The following SLC22A23 variants were observed in gnomAD, a reference collection of about 807,000 sequenced individuals.
SLC22A23 encodes the protein solute carrier family 22 member 23, also known as ion transporter protein.
A neutral mutation model predicts 61.0 loss-of-function variants in SLC22A23; 26 were observed. That is an observed-to-expected ratio of 0.43 (90% CI 0.31 to 0.59). The LOEUF is 0.59. Among genes scored for constraint, SLC22A23 ranks in the 20% least tolerant of loss-of-function variants. The probability of loss-of-function intolerance (pLI) is 0.11; values close to 1 mark genes in which losing one functional copy is unlikely to be tolerated. For missense variants in SLC22A23, 796 were observed against 934.7 expected, an observed-to-expected ratio of 0.85 and a Z score of 1.94; for synonymous variants, 430 against 413.9, an observed-to-expected ratio of 1.04 and a Z score of -0.47.
chr6:3,417,455 A>C (rs9378791), intron 1 of SLC22A23, among the ~76,000 whole-genome samples: 55,207 of 152,006 alleles, frequency 0.36, 10,230 homozygotes, highest in East Asian at 0.47. Context: ...ATTTGGGGAG[A>C]AGGGCACTGC....
chr6:3,419,773 T>C (rs1769995174), intron 1 of SLC22A23, among the ~76,000 whole-genome samples: 1 of 152,228 alleles, frequency 6.6e-6, no homozygotes, highest in Non-Finnish European at 1.5e-5. Context: ...CTATTCCCTG[T>C]ATTCAGTCCC....
intron 3 of SLC22A23, among the ~76,000 whole-genome samples, chr6:3,406,029 T>C (rs550527148): frequency 6.6e-6 from 1 of 152,108 alleles, no homozygotes; most frequent in South Asian, 2.1e-4. Context: ...TTCAAGAAAA[T>C]TGTTCATTGT....
At chr6:3,291,629 G>A (rs1760603570) in intron 5 of SLC22A23, 1 of 152,130 alleles carries the variant, frequency 6.6e-6, no homozygotes, top group African/African-American at 2.4e-5. Flanking sequence ...CAGCAAAAAT[G>A]GGCTACTTTG....
rs1758609362 is a variant in SLC22A23 at position 3,273,420 on chromosome 6, G to C, written c.1704-8C>G. 6.2e-7 allele frequency: 1 copy of C among 1,611,530 alleles called. No homozygotes were observed. The highest frequency in any genetic ancestry group is 1.3e-5 in the African/African-American group (1 of 74,934). ...AGCCCCAGCCCGCCACACCTGCAGGGGGAGGGAAGCACAGGGATTGCTGCT... is the reference window on the plus strand; with the variant it reads ...AGCCCCAGCCCGCCACACCTGCAGGCGGAGGGAAGCACAGGGATTGCTGCT... On this transcript the variant is annotated splice_region_variant and splice_polypyrimidine_tract_variant and intron_variant, in intron 9 of 9. Coordinates refer to ENST00000406686, the MANE Select transcript of SLC22A23 (RefSeq NM_015482.2).
At position 3,456,085 on chromosome 6, in the gene SLC22A23, G is replaced by A; in HGVS notation, c.475C>T (p.Pro159Ser). ...GCCTCCCAGGGGGCAGTGGCGAAGG[G>A]GGTGGTGGGGAGGCTGGTCCAGTTG... ...MGNWTSLPTT[P>S]FATAPWEAAG... The change falls in exon 1 of 10, where the codon CCC becomes TCC. Residue 159 changes from proline (P) to serine (S), a missense_variant. Physicochemically the swap from Pro to Ser is moderately conservative, Grantham distance 74. Transcript: ENST00000406686. The surrounding 1 kb of genome is among the most constrained non-coding windows in gnomAD (Gnocchi z 7.1). The A allele has an allele frequency of 6.5e-7, 1 of 1,550,348 alleles. No individual in the cohort carries two copies. Among genetic ancestry groups the A allele is most frequent in the Non-Finnish European group, 8.7e-7 (1 of 1,146,658 alleles).
intron 3 of SLC22A23, among the ~76,000 whole-genome samples, chr6:3,359,457 C>G (rs77213956): frequency 6.6e-6 from 1 of 152,152 alleles, no homozygotes; most frequent in Non-Finnish European, 1.5e-5. Flanking sequence ...TCACTGTCAT[C>G]GGGGAAATGT....
intron 1 of SLC22A23, among the ~76,000 whole-genome samples, chr6:3,451,313 C>T (rs1157268934): frequency 1.3e-5 from 2 of 152,252 alleles, no homozygotes; most frequent in Admixed American, 6.5e-5. Context: ...TCTCCTGCCT[C>T]AGCCTCCCTA....
chr6:3,312,404 A>G lies in SLC22A23; in HGVS notation c.1082+11430T>C, dbSNP rs1010439593. Reference sequence around the variant, plus strand: ...ATTAATTTGGCAAATGACTTTTAAAAAGTCTGATGTTGTAAAACAGTGTGA... The same window carrying G: ...ATTAATTTGGCAAATGACTTTTAAAGAGTCTGATGTTGTAAAACAGTGTGA... On this transcript the variant is annotated intron_variant, in intron 4 of 9. Coordinates refer to ENST00000406686, the MANE Select transcript of SLC22A23 (RefSeq NM_015482.2). 13 of 152,148 alleles carry G rather than the reference A, an allele frequency of 8.5e-5. 1 individual carries two copies. Among genetic ancestry groups the G allele is most frequent in the Admixed American group, 3.9e-4 (6 of 15,288 alleles). The allele number at this position is 152,148 out of a possible 1,614,324, so 9.4% of individuals were successfully genotyped here.
chr6:3,352,106 T>TG (rs60080368), intron 3 of SLC22A23, among the ~76,000 whole-genome samples: 59,713 of 152,004 alleles, frequency 0.39, 13,345 homozygotes, highest in African/African-American at 0.61. Flanking sequence ...GCAGAGGCCA[T>TG]GGCAAAACCA....
intron 1 of SLC22A23, among the ~76,000 whole-genome samples, chr6:3,419,223 T>G (rs1769951033): frequency 6.6e-6 from 1 of 152,150 alleles, no homozygotes; most frequent in Non-Finnish European, 1.5e-5. Flanking sequence ...ATCAAATCAA[T>G]CACCAATTCC....
rs1377234310 is a variant in SLC22A23 at position 3,330,566 on chromosome 6, C to T, written c.914-6564G>A. On this transcript the variant is annotated intron_variant, in intron 3 of 9. Coordinates refer to ENST00000406686, the MANE Select transcript of SLC22A23 (RefSeq NM_015482.2). This position sits in a 1 kb window ranked among gnomAD's most constrained non-coding sequence, Gnocchi z 4.7. Reference sequence around the variant, plus strand: ...ACCACTCAATAATTACTGCCACAGGCAAGGACGCATGGCCCCCAGAATCCT... The same window carrying T: ...ACCACTCAATAATTACTGCCACAGGTAAGGACGCATGGCCCCCAGAATCCT... 6.6e-6 allele frequency among the ~76,000 whole-genome samples: 1 copy of T among 152,248 alleles called. No individual in the cohort carries two copies. The highest frequency in any genetic ancestry group is 1.5e-5 in the Non-Finnish European group (1 of 68,044).
chr6:3,317,153 T>C lies in SLC22A23; in HGVS notation c.1082+6681A>G, dbSNP rs989323145. Reference sequence around the variant, plus strand: ...AATAGTGAATTCCCGCGCAGGAAACTTGATGTCACCCTGTCCCACGTATTA... The same window carrying C: ...AATAGTGAATTCCCGCGCAGGAAACCTGATGTCACCCTGTCCCACGTATTA... On this transcript the variant is annotated intron_variant, in intron 4 of 9. Transcript: ENST00000406686. The surrounding 1 kb of genome is among the most constrained non-coding windows in gnomAD (Gnocchi z 4.4). Among the ~76,000 whole-genome samples, 1 of 152,204 alleles carries C rather than the reference T, an allele frequency of 6.6e-6. No homozygotes were observed. The highest frequency in any genetic ancestry group is 2.4e-5 in the African/African-American group (1 of 41,450).
In SLC22A23 at chr6:3,362,417, TAAAATAA is replaced by T. The variant is rs1317679786; in HGVS notation, c.914-38422_914-38416del. Among the ~76,000 whole-genome samples the T allele has an allele frequency of 5.3e-4, 18 of 34,256 alleles. 1 individual carries two copies. The highest frequency in any genetic ancestry group is 2.6e-3 in the Admixed American group (10 of 3,800). 22.5% of individuals were successfully genotyped at this position (34,256 alleles called of 152,430 possible). On this transcript the variant is annotated intron_variant, in intron 3 of 9. Transcript: ENST00000406686. The stretch of plus-strand genomic sequence containing the variant: ...GATTCCGTCTCACAAAAAAAAAAAA[TAAAATAA>T]AAAATAAAAAATAAAAATTAGCATG...
intron 1 of SLC22A23, among the ~76,000 whole-genome samples, chr6:3,447,715 A>C (rs1771969674): frequency 6.7e-6 from 1 of 149,990 alleles, no homozygotes; most frequent in South Asian, 2.1e-4. Flanking sequence ...CAGCCTCCCA[A>C]GTAGCTGGGA....
intron 3 of SLC22A23, among the ~76,000 whole-genome samples, chr6:3,368,141 T>C (rs9503564): frequency 0.31 from 46,547 of 152,132 alleles, 7,838 homozygotes; most frequent in East Asian, 0.52. Context: ...ACAGAAGGTT[T>C]ATTTGAATCC....
chr6:3,376,449 C>T (rs932277634), intron 3 of SLC22A23, among the ~76,000 whole-genome samples: 2 of 152,148 alleles, frequency 1.3e-5, no homozygotes, highest in East Asian at 1.9e-4. Context: ...CTGTAGCTCC[C>T]ATTTCAGTAG....
In SLC22A23 at chr6:3,269,159, C is replaced by G. The variant is rs1392308103; in HGVS notation, c.*3896G>C. ...ACACGAACAAGGGAAAAAAATTCCTCTTAATTTTACTGATGGCCCCCGTCT... is the reference window on the plus strand; with the variant it reads ...ACACGAACAAGGGAAAAAAATTCCTGTTAATTTTACTGATGGCCCCCGTCT... On this transcript the variant is annotated 3_prime_UTR_variant, in exon 10 of 10. Coordinates refer to ENST00000406686, the MANE Select transcript of SLC22A23 (RefSeq NM_015482.2). 1 of 74,270 alleles carries G rather than the reference C, an allele frequency of 1.3e-5. No homozygotes were observed. Among genetic ancestry groups the G allele is most frequent in the African/African-American group, 5.5e-5 (1 of 18,074 alleles). The allele number at this position is 74,270 out of a possible 1,614,324, so 4.6% of individuals were successfully genotyped here.
At position 3,342,882 on chromosome 6, in the gene SLC22A23, G is replaced by C. The variant is rs892076903; in HGVS notation, c.914-18880C>G. 4.6e-5 allele frequency among the ~76,000 whole-genome samples: 7 copies of C among 152,168 alleles called. No individual in the cohort carries two copies. The highest frequency in any genetic ancestry group is 1.7e-4 in the African/African-American group (7 of 41,416). ...AGTGCAAAAAATGGCTCAGAGAAGAGGTTGGAATTTGGGGCTTTATATACC... is the reference window on the plus strand; with the variant it reads ...AGTGCAAAAAATGGCTCAGAGAAGACGTTGGAATTTGGGGCTTTATATACC... On this transcript the variant is annotated intron_variant, in intron 3 of 9. Coordinates refer to ENST00000406686, the MANE Select transcript of SLC22A23 (RefSeq NM_015482.2). This position sits in a 1 kb window ranked among gnomAD's most constrained non-coding sequence, Gnocchi z 4.0.
At chr6:3,420,142 T>C (rs1475141114) in intron 1 of SLC22A23, among the ~76,000 whole-genome samples, 1 of 152,050 alleles carries the variant, frequency 6.6e-6, no homozygotes, top group Non-Finnish European at 1.5e-5. Context: ...CATGTGACGC[T>C]TCTGAGCCAT....
Sources: allele counts gnomAD v4.1 joint callset (sites outside exome capture counted in the v4.1 genomes callset), GRCh38; gene constraint gnomAD v4.1.1; non-coding constraint Gnocchi (gnomAD v3.1); transcripts MANE v1.5; gene names NCBI Gene and HGNC (gene_info 2026-07-23, HGNC 2026-07-21).